NKAIN2: variants seen among roughly 807,000 people sequenced by gnomAD.
NKAIN2 encodes the protein sodium/potassium transporting ATPase interacting 2, also known as sodium/potassium-transporting ATPase subunit beta-1-interacting protein 2.
Under a neutral mutation model 32.6 loss-of-function variants are expected in NKAIN2, and 14 were observed. The ratio of observed to expected loss-of-function variants is 0.43; its 90% CI spans 0.28 to 0.67. The LOEUF (loss-of-function observed/expected upper bound fraction) is 0.67. Among genes scored for constraint, NKAIN2 ranks in the 30% least tolerant of loss-of-function variants. NKAIN2 has a pLI of 0.17. For synonymous variants in NKAIN2, 80 were observed against 87.2 expected, an observed-to-expected ratio of 0.92 and a Z score of 0.46; for missense variants, 198 against 258.3, an observed-to-expected ratio of 0.77 and a Z score of 1.60.
chr6:124,352,920 A>G (rs1030052818), intron 2 of NKAIN2, among the ~76,000 whole-genome samples: 1 of 152,154 alleles, frequency 6.6e-6, no homozygotes, highest in African/African-American at 2.4e-5. Context: ...TTGCCCTAAC[A>G]TTATACTCTA....
chr6:124,747,666 G>T (rs1425528186), intron 4 of NKAIN2, among the ~76,000 whole-genome samples: 1 of 151,720 alleles, frequency 6.6e-6, no homozygotes, highest in Non-Finnish European at 1.5e-5. Context: ...ATCTTTCATT[G>T]ATGGGATGAA....
At chr6:124,023,967 G>A (rs1780988200) in intron 1 of NKAIN2, among the ~76,000 whole-genome samples, 1 of 152,022 alleles carries the variant, frequency 6.6e-6, no homozygotes, top group Admixed American at 6.6e-5. Flanking sequence ...TTTATGTTTA[G>A]GGATGTGATA....
intron 1 of NKAIN2, among the ~76,000 whole-genome samples, chr6:123,899,982 G>C (rs180752562): frequency 6.6e-6 from 1 of 152,068 alleles, no homozygotes; most frequent in African/African-American, 2.4e-5. Context: ...CATGATGCTC[G>C]ACCTGCTTAG....
chr6:124,212,262 A>G (rs1445448590), intron 1 of NKAIN2, among the ~76,000 whole-genome samples: 1 of 152,078 alleles, frequency 6.6e-6, no homozygotes, highest in Non-Finnish European at 1.5e-5. Flanking sequence ...TTTTAGTTTT[A>G]AAAGTAATAT....
intron 3 of NKAIN2, among the ~76,000 whole-genome samples, chr6:124,577,881 G>C (rs1420179537): frequency 1.3e-5 from 2 of 152,114 alleles, no homozygotes; most frequent in Non-Finnish European, 2.9e-5. Context: ...GCCACAGTAG[G>C]ACAGAGCACC....
At chr6:124,705,231 T>C (rs1042336758) in intron 4 of NKAIN2, among the ~76,000 whole-genome samples, 2 of 152,026 alleles carry the variant, frequency 1.3e-5, no homozygotes, top group African/African-American at 4.8e-5. Context: ...GGAATACATA[T>C]AAAAGATTGG....
rs796702468 is a variant in NKAIN2, at chr6:124,374,308, G to GA, written c.273+18971dup. 3.0e-3 allele frequency among the ~76,000 whole-genome samples: 436 copies of GA among 146,560 alleles called. 1 individual carries two copies. The highest frequency in any genetic ancestry group is 0.01 in the African/African-American group (401 of 40,016). On this transcript the variant is annotated intron_variant, in intron 3 of 6. Transcript: ENST00000368417. ...AGTGAAAAGGTATAAAGAGAGTTTT[G>GA]AAAAAAAAAATGGAAAAGTGTATAT...
At chr6:124,469,089 C>T (rs564113950) in intron 3 of NKAIN2, among the ~76,000 whole-genome samples, 12 of 152,246 alleles carry the variant, frequency 7.9e-5, no homozygotes, top group South Asian at 4.1e-4. Flanking sequence ...TGAATGGTGC[C>T]CCTGGAATTG....
intron 1 of NKAIN2, among the ~76,000 whole-genome samples, chr6:124,237,205 G>T (rs953475639): frequency 6.6e-6 from 1 of 152,234 alleles, no homozygotes; most frequent in East Asian, 1.9e-4. Context: ...CAGCAGGTGA[G>T]TGCATATTGT....
chr6:124,284,556 A>G (rs1026774244), intron 2 of NKAIN2, among the ~76,000 whole-genome samples: 1 of 152,096 alleles, frequency 6.6e-6, no homozygotes, highest in African/African-American at 2.4e-5. Context: ...ATTCTTATAA[A>G]TAATGGTTGC....
At chr6:124,115,539 C>A (rs12216005) in intron 1 of NKAIN2, among the ~76,000 whole-genome samples, 23,157 of 151,970 alleles carry the variant, frequency 0.15, 2,300 homozygotes, top group Middle Eastern at 0.29. Flanking sequence ...ATTTTATATT[C>A]CTCCTTGAGC....
intron 4 of NKAIN2, among the ~76,000 whole-genome samples, chr6:124,733,019 A>G (rs954063072): frequency 6.6e-6 from 1 of 151,978 alleles, no homozygotes; most frequent in East Asian, 1.9e-4. Flanking sequence ...AAAAAAGTGG[A>G]TGGACCTTAA....
At chr6:123,942,428 T>C (rs1330694472) in intron 1 of NKAIN2, among the ~76,000 whole-genome samples, 1 of 152,050 alleles carries the variant, frequency 6.6e-6, no homozygotes, top group Non-Finnish European at 1.5e-5. Flanking sequence ...TAAAAAATTG[T>C]CCCTGGAGTA....
At chr6:124,474,901 CAT>C (rs888786349) in intron 3 of NKAIN2, among the ~76,000 whole-genome samples, 4 of 122,720 alleles carry the variant, frequency 3.3e-5, no homozygotes, top group African/African-American at 9.0e-5. Flanking sequence ...ATATATGTAT[CAT>C]ATTATATACT....
At chr6:124,639,634 GA>G (rs1025831708) in intron 3 of NKAIN2, among the ~76,000 whole-genome samples, 8 of 146,486 alleles carry the variant, frequency 5.5e-5, no homozygotes, top group East Asian at 2.0e-4. Flanking sequence ...ACTCCGTAAA[GA>G]AAAAAAAAAG....
intron 4 of NKAIN2, among the ~76,000 whole-genome samples, chr6:124,756,910 T>A (rs1777991721): frequency 6.6e-6 from 1 of 152,148 alleles, no homozygotes; most frequent in African/African-American, 2.4e-5. Flanking sequence ...TTTGCTTTTA[T>A]TTTAGTATTT....
intron 3 of NKAIN2, among the ~76,000 whole-genome samples, chr6:124,580,533 A>C (rs1781482712): frequency 6.6e-6 from 1 of 152,222 alleles, no homozygotes; most frequent in Non-Finnish European, 1.5e-5. Flanking sequence ...AATTAAAAGC[A>C]AGAAATTAAA....
chr6:123,809,350 T>TA (rs58536660), intron 1 of NKAIN2, among the ~76,000 whole-genome samples: 152,225 of 152,228 alleles, frequency 1, 76,111 homozygotes, highest in Middle Eastern at 1. Flanking sequence ...CCTTTTTTCA[T>TA]ACAATGATAG....
At chr6:124,452,089 G>C (rs1203276242) in intron 3 of NKAIN2, among the ~76,000 whole-genome samples, 5 of 151,812 alleles carry the variant, frequency 3.3e-5, no homozygotes, top group Non-Finnish European at 5.9e-5. Flanking sequence ...CAGCCGCTCA[G>C]GAGGCTGAGG....
Sources: gnomAD v4.1 joint callset for allele counts (sites outside exome capture counted in the v4.1 genomes callset) on GRCh38, gnomAD v4.1.1 for gene constraint, MANE v1.5 for transcripts, NCBI Gene and HGNC (gene_info 2026-07-23, HGNC 2026-07-21) for gene names.